PRKCZ: variants seen among roughly 807,000 people sequenced by gnomAD.
PRKCZ encodes the protein protein kinase C zeta type.
Under a neutral mutation model 79.5 loss-of-function variants are expected in PRKCZ, and 33 were observed. The observed-to-expected ratio is 0.41, with a 90% confidence interval of 0.31 to 0.55. The LOEUF (loss-of-function observed/expected upper bound fraction) is 0.55, where lower values mean the gene tolerates loss of function less well. PRKCZ is among the 20% of genes least tolerant of loss of function. The pLI, the probability that PRKCZ is intolerant of heterozygous loss-of-function variation, is 0.19. For synonymous variants in PRKCZ, 342 were observed against 320.9 expected (o/e 1.07, Z -0.70); for missense variants, 578 against 813.5 (o/e 0.71, Z 3.52).
In PRKCZ at chr1:2,101,698, C is replaced by T. The variant is rs987554149; in HGVS notation, c.335-33564C>T. 3.9e-5 allele frequency among the ~76,000 whole-genome samples: 6 copies of T among 152,108 alleles called. No homozygotes were observed. In the East Asian group the frequency reaches 1.2e-3, roughly 29 times the overall value. On this transcript the variant is annotated intron_variant, in intron 4 of 17. Transcript: ENST00000378567. ...CTCCCCTGGGGGTTTGCGAAGATGA[C>T]ATGAGCCCGTGCATCCTGGGTCTGG...
At chr1:2,129,612 G>A (rs1243272384) in intron 4 of PRKCZ, among the ~76,000 whole-genome samples, 1 of 152,194 alleles carries the variant, frequency 6.6e-6, no homozygotes. Flanking sequence ...TAGCAGGCGG[G>A]TGGAAGATGA....
chr1:2,082,454 T>G lies in PRKCZ; in HGVS notation c.334+22863T>G, dbSNP rs1395698748. 9 of 455,710 alleles carry G rather than the reference T, an allele frequency of 2.0e-5. No individual in the cohort carries two copies. In the East Asian group the frequency reaches 6.2e-4, roughly 32 times the overall value. 28.2% of individuals were successfully genotyped at this position (455,710 alleles called of 1,614,324 possible). ...TTGAGTTTGCATGGAGACTGTAATT[T>G]CATTCTGTGAGTGTAAGATCACGTC... is the stretch of plus-strand genomic sequence containing the variant. On this transcript the variant is annotated intron_variant, in intron 4 of 17. Coordinates refer to ENST00000378567, the MANE Select transcript of PRKCZ (RefSeq NM_002744.6). The surrounding 1 kb of genome is among the most constrained non-coding windows in gnomAD (Gnocchi z 4.4).
intron 9 of PRKCZ, among the ~76,000 whole-genome samples, chr1:2,154,917 C>G (rs192198417): frequency 1.3e-5 from 2 of 152,172 alleles, no homozygotes; most frequent in Non-Finnish European, 1.5e-5. Context: ...GCTTATCACT[C>G]GGTAGCGCTG....
At chr1:2,138,366 A>G (rs950688390) in intron 5 of PRKCZ, among the ~76,000 whole-genome samples, 9 of 152,132 alleles carry the variant, frequency 5.9e-5, no homozygotes, top group Admixed American at 2.6e-4. Flanking sequence ...CCAAAGGGAG[A>G]GAGCCAGCGA....
chr1:2,137,314 C>T (rs1032844964), intron 5 of PRKCZ, among the ~76,000 whole-genome samples: 1 of 152,210 alleles, frequency 6.6e-6, no homozygotes, highest in Admixed American at 6.5e-5. Context: ...TGATTGGACG[C>T]CACCGCCCAC....
chr1:2,071,284 G>T (rs191841911), intron 4 of PRKCZ: 1 of 411,108 alleles, frequency 2.4e-6, no homozygotes, highest in Non-Finnish European at 4.8e-6. Context: ...CCGTCTTGCC[G>T]TCTCTCCCAC....
chr1:2,184,432 T>C, intron 16 of PRKCZ, 151 bp from the exon 17 acceptor site: 1 of 604,264 alleles, frequency 1.7e-6, no homozygotes, highest in Non-Finnish European at 2.9e-6. Flanking sequence ...TTTTGTGTTG[T>C]AAGAAAAAAC....
intron 4 of PRKCZ, among the ~76,000 whole-genome samples, chr1:2,072,150 C>T (rs1230218697): frequency 1.3e-5 from 2 of 152,236 alleles, no homozygotes; most frequent in East Asian, 1.9e-4. Flanking sequence ...GAATGCCCCT[C>T]ATGCAGCTGG....
At chr1:2,097,974 G>A (rs892648213) in intron 4 of PRKCZ, among the ~76,000 whole-genome samples, 11 of 152,134 alleles carry the variant, frequency 7.2e-5, no homozygotes, top group Non-Finnish European at 1.2e-4. Context: ...AGCTAATTCC[G>A]ATTGGCTATT....
rs1470741420 is a variant in PRKCZ at position 2,127,403 on chromosome 1, A to G, written c.335-7859A>G. Among the ~76,000 whole-genome samples, 1 of 81,662 alleles carries G rather than the reference A, an allele frequency of 1.2e-5. No homozygotes were observed. The highest frequency in any genetic ancestry group is 4.6e-5 in the African/African-American group (1 of 21,608). 53.6% of individuals were successfully genotyped at this position (81,662 alleles called of 152,430 possible). A position where few individuals can be genotyped will look rare whatever the true frequency, so the allele number is the denominator to read the frequency against. ...GGGCTGCACCTCCACTGCCCCCCCC[A>G]CCGCCGCCCCTGCCCCACGGCCACC... On this transcript the variant is annotated intron_variant, in intron 4 of 17. Transcript: ENST00000378567. This position sits in a 1 kb window ranked among gnomAD's most constrained non-coding sequence, Gnocchi z 5.1.
intron 10 of PRKCZ, among the ~76,000 whole-genome samples, chr1:2,167,309 C>G (rs538318533): frequency 1.7e-4 from 26 of 152,256 alleles, no homozygotes; most frequent in Non-Finnish European, 2.9e-4. Context: ...CCCAAATTCT[C>G]TCAGCCTCCT....
chr1:2,068,776 C>G (rs1485140304), intron 4 of PRKCZ, among the ~76,000 whole-genome samples: 1 of 152,194 alleles, frequency 6.6e-6, no homozygotes, highest in South Asian at 2.1e-4. Context: ...CCCAGGCCCC[C>G]GCCCCGTGAG....
At chr1:2,092,925 C>T (rs1665769176) in intron 4 of PRKCZ, among the ~76,000 whole-genome samples, 1 of 152,202 alleles carries the variant, frequency 6.6e-6, no homozygotes, top group Non-Finnish European at 1.5e-5. Context: ...CATCTCTTGC[C>T]TTCAGCATAG....
intron 2 of PRKCZ, chr1:2,055,797 G>A: frequency 1.9e-6 from 1 of 513,394 alleles, no homozygotes; most frequent in South Asian, 3.1e-5. Flanking sequence ...TGAACTGCCT[G>A]CAGGGGGTCT....
chr1:2,176,402 G>A lies in PRKCZ; in HGVS notation c.1575+1089G>A, dbSNP rs142760337. Among the ~76,000 whole-genome samples the A allele has an allele frequency of 2.1e-3, 323 of 152,164 alleles. 1 individual carries two copies. Among genetic ancestry groups the A allele is most frequent in the South Asian group, 6.8e-3 (33 of 4,822 alleles). On this transcript the variant is annotated intron_variant, in intron 16 of 17. Transcript: ENST00000378567. Reference sequence around the variant, plus strand: ...AGGATGTTTCCAGCGCCGCTCGGTCGTGGGTTCTGTGTGGGAAGCGCAGTC... The same window carrying A: ...AGGATGTTTCCAGCGCCGCTCGGTCATGGGTTCTGTGTGGGAAGCGCAGTC...
chr1:2,172,232 C>T lies in PRKCZ; in HGVS notation c.1197+42C>T, dbSNP rs375995321. On this transcript the variant is annotated intron_variant, in intron 12 of 17. Coordinates refer to ENST00000378567, the MANE Select transcript of PRKCZ (RefSeq NM_002744.6). This position sits in a 1 kb window ranked among gnomAD's most constrained non-coding sequence, Gnocchi z 7.8. ...GCCTCCCCTGACCATCCCGCATGTG[C>T]GTCTCGGGGCGCCTGTCCCGCGGGG... The T allele has an allele frequency of 5.6e-6, 9 of 1,613,322 alleles. No homozygotes were observed. The highest frequency in any genetic ancestry group is 2.2e-5 in the East Asian group (1 of 44,888).
intron 4 of PRKCZ, among the ~76,000 whole-genome samples, chr1:2,101,790 GAT>G (rs1667480317): frequency 1.3e-5 from 2 of 152,226 alleles, no homozygotes; most frequent in African/African-American, 4.8e-5. Flanking sequence ...CCACAGCAAA[GAT>G]GTGTGGCAGA....
chr1:2,050,482 G>A lies in PRKCZ; in HGVS notation c.-149G>A, dbSNP rs1659536454. On this transcript the variant is annotated 5_prime_UTR_variant, in exon 1 of 18. Coordinates refer to ENST00000378567, the MANE Select transcript of PRKCZ (RefSeq NM_002744.6). ...GCCCCCCGCTCCCGCCCCGCGCGCC[G>A]CCGGAGTTCCGCGGAGTTGACCGGG... 1 of 323,070 alleles carries A rather than the reference G, an allele frequency of 3.1e-6. No homozygotes were observed. The highest frequency in any genetic ancestry group is 5.5e-5 in the Admixed American group (1 of 18,324). 20.0% of individuals were successfully genotyped at this position (323,070 alleles called of 1,614,324 possible). A position where few individuals can be genotyped will look rare whatever the true frequency, so the allele number is the denominator to read the frequency against.
At chr1:2,073,849 G>T in intron 4 of PRKCZ, 1 of 1,055,718 alleles carries the variant, frequency 9.5e-7, no homozygotes, top group South Asian at 3.5e-5. Context: ...GCTCGTCAAC[G>T]GGAAGGAAGA....
Sources: allele counts gnomAD v4.1 joint callset (sites outside exome capture counted in the v4.1 genomes callset), GRCh38; gene constraint gnomAD v4.1.1; non-coding constraint Gnocchi (gnomAD v3.1); transcripts MANE v1.5; gene names NCBI Gene and HGNC (gene_info 2026-07-23, HGNC 2026-07-21).